CCDC38: variants seen among roughly 807,000 people sequenced by gnomAD.
CCDC38 encodes the protein coiled-coil domain containing 38, also known as coiled-coil domain-containing protein 38.
A neutral mutation model predicts 72.8 loss-of-function variants in CCDC38; 69 were observed. That is an observed-to-expected ratio of 0.95 (90% CI 0.78 to 1.16). CCDC38 has a LOEUF of 1.16. Among genes scored for constraint, CCDC38 ranks in the 50% most tolerant of loss-of-function variants. CCDC38 has a pLI of 0.00. For missense variants in CCDC38, 626 were observed against 638.9 expected, an observed-to-expected ratio of 0.98 and a Z score of 0.22; for synonymous variants, 201 against 213.2, an observed-to-expected ratio of 0.94 and a Z score of 0.50.
chr12:95,930,012 A>C (rs868575776), intron 2 of CCDC38, among the ~76,000 whole-genome samples: 5 of 152,036 alleles, frequency 3.3e-5, no homozygotes, highest in African/African-American at 9.7e-5. Flanking sequence ...TTTAGGGCCC[A>C]CCCTAAATTC....
intron 12 of CCDC38, 23 bp from the exon 13 acceptor site, chr12:95,878,369 C>T (rs367640715): frequency 8.1e-6 from 13 of 1,602,870 alleles, no homozygotes; most frequent in Non-Finnish European, 1.7e-6. Flanking sequence ...AAGAAAGAGA[C>T]CCTCATCTGA....
intron 1 of CCDC38, among the ~76,000 whole-genome samples, chr12:95,938,230 G>A (rs948893334): frequency 1.3e-5 from 2 of 152,118 alleles, no homozygotes; most frequent in East Asian, 3.8e-4. Context: ...ATTCTCACGG[G>A]GGAAAAGAAA....
intron 9 of CCDC38, 102 bp from the exon 10 acceptor site, chr12:95,888,608 C>A: frequency 1.0e-6 from 1 of 983,718 alleles, no homozygotes; most frequent in Non-Finnish European, 1.6e-6. Flanking sequence ...GCAAGGTATT[C>A]ATTTTTCTGC....
At chr12:95,928,203 C>T (rs1215675281) in intron 2 of CCDC38, among the ~76,000 whole-genome samples, 2 of 152,052 alleles carry the variant, frequency 1.3e-5, no homozygotes, top group African/African-American at 2.4e-5. Flanking sequence ...GGTCTTTTCA[C>T]ATAGTCCCAT....
At chr12:95,912,832 G>C (rs1432813475) in intron 4 of CCDC38, among the ~76,000 whole-genome samples, 1 of 152,150 alleles carries the variant, frequency 6.6e-6, no homozygotes, top group Non-Finnish European at 1.5e-5. Context: ...GGCTGAGGTA[G>C]GTGGATCGCT....
chr12:95,931,484 TCA>T (rs2136740088), intron 2 of CCDC38, among the ~76,000 whole-genome samples: 1 of 152,366 alleles, frequency 6.6e-6, no homozygotes, highest in African/African-American at 2.4e-5. Flanking sequence ...TTATTCTGTC[TCA>T]CACAGTCTCA....
intron 8 of CCDC38, among the ~76,000 whole-genome samples, chr12:95,893,103 AT>A (rs2079846631): frequency 6.6e-6 from 1 of 152,166 alleles, no homozygotes; most frequent in Non-Finnish European, 1.5e-5. Flanking sequence ...TCTCTGATAC[AT>A]TTTTGGTAAC....
chr12:95,868,317 A>G (rs1023934810), intron 15 of CCDC38, among the ~76,000 whole-genome samples: 18 of 152,174 alleles, frequency 1.2e-4, no homozygotes, highest in African/African-American at 3.9e-4. Flanking sequence ...CTCATGGTCT[A>G]GAAGGAAAGG....
In CCDC38 at chr12:95,942,541, C is replaced by G. The variant is rs1204621553; in HGVS notation, c.-125G>C. ...CTCCAGTCTCGGCTCTATCCTCCCC[C>G]AGCCCGGTTCCCGGTCATCTCAGGG... On this transcript the variant is annotated 5_prime_UTR_variant, in exon 1 of 16. Coordinates refer to ENST00000344280, the MANE Select transcript of CCDC38 (RefSeq NM_182496.3). The G allele has an allele frequency of 6.6e-6, 1 of 152,288 alleles. No individual in the cohort carries two copies. The highest frequency in any genetic ancestry group is 1.5e-5 in the Non-Finnish European group (1 of 68,078). The allele number at this position is 152,288 out of a possible 1,614,324, so 9.4% of individuals were successfully genotyped here. A position where few individuals can be genotyped will look rare whatever the true frequency, so the allele number is the denominator to read the frequency against.
At chr12:95,905,201 T>A (rs959203763) in intron 5 of CCDC38, among the ~76,000 whole-genome samples, 5 of 152,234 alleles carry the variant, frequency 3.3e-5, no homozygotes, top group African/African-American at 7.2e-5. Context: ...TTTTTCTGAA[T>A]ATTTTTGATC....
At chr12:95,907,060 C>A (rs879915931) in intron 4 of CCDC38, among the ~76,000 whole-genome samples, 2 of 142,646 alleles carry the variant, frequency 1.4e-5, no homozygotes, top group Non-Finnish European at 3.3e-5. Context: ...GTCTGTTTAA[C>A]AAAGCACATC....
intron 2 of CCDC38, among the ~76,000 whole-genome samples, chr12:95,921,944 T>C (rs376277914): frequency 2.0e-5 from 3 of 152,280 alleles, no homozygotes. Flanking sequence ...CTGACTTAAT[T>C]TGTCAAGGAA....
chr12:95,928,191 T>A (rs1256912162), intron 2 of CCDC38, among the ~76,000 whole-genome samples: 1 of 152,070 alleles, frequency 6.6e-6, no homozygotes, highest in Non-Finnish European at 1.5e-5. Context: ...AGACGTAGAT[T>A]TGGTCTTTTC....
In CCDC38 at chr12:95,879,864, A is replaced by G. The variant is rs2079680045; in HGVS notation, c.991-69T>C. On this transcript the variant is annotated intron_variant, in intron 11 of 15. Transcript: ENST00000344280. This position sits in a 1 kb window ranked among gnomAD's most constrained non-coding sequence, Gnocchi z 5.5. ...CTACCTATGCACATGTGACTTATCT[A>G]GAAAATACAGTGGGGTAAAGGAAGA... 1 of 1,196,710 alleles carries G rather than the reference A, an allele frequency of 8.4e-7. No individual in the cohort carries two copies. 74.1% of individuals were successfully genotyped at this position (1,196,710 alleles called of 1,614,324 possible).
intron 10 of CCDC38, among the ~76,000 whole-genome samples, chr12:95,887,140 G>A (rs1285205711): frequency 6.6e-6 from 1 of 152,090 alleles, no homozygotes; most frequent in Non-Finnish European, 1.5e-5. Context: ...AGCAGAGACT[G>A]TGCCATTGCA....
intron 5 of CCDC38, among the ~76,000 whole-genome samples, 172 bp from the exon 6 acceptor site, chr12:95,898,903 G>A (rs999711850): frequency 6.6e-6 from 1 of 152,198 alleles, no homozygotes; most frequent in Non-Finnish European, 1.5e-5. Context: ...AATTAGAGGG[G>A]AGACTAATTT....
chr12:95,887,168 G>C (rs1026087945), intron 10 of CCDC38, among the ~76,000 whole-genome samples: 1 of 151,916 alleles, frequency 6.6e-6, no homozygotes, highest in Non-Finnish European at 1.5e-5. Context: ...CTGGGTGACA[G>C]AGCGAGACTC....
chr12:95,904,516 G>A (rs982921399), intron 5 of CCDC38, among the ~76,000 whole-genome samples: 1 of 152,224 alleles, frequency 6.6e-6, no homozygotes, highest in Non-Finnish European at 1.5e-5. Context: ...AGACCCATAA[G>A]GCAGAGCCTG....
At chr12:95,896,442 A>G (rs2079890189) in intron 7 of CCDC38, 1 of 152,236 alleles carries the variant, frequency 6.6e-6, no homozygotes, top group Non-Finnish European at 1.5e-5. Flanking sequence ...AAAGATATCA[A>G]TATTACTTTG....
Sources: gnomAD v4.1 joint callset for allele counts (sites outside exome capture counted in the v4.1 genomes callset) on GRCh38, gnomAD v4.1.1 for gene constraint, Gnocchi (gnomAD v3.1) non-coding constraint, MANE v1.5 for transcripts, NCBI Gene and HGNC (gene_info 2026-07-23, HGNC 2026-07-21) for gene names.